Variants in KAZN observed in about 807,000 individuals in gnomAD.
The protein encoded by KAZN is kazrin, periplakin interacting protein.
In KAZN, 40 loss-of-function variants were observed where a neutral mutation model predicts 87.4. The ratio of observed to expected loss-of-function variants is 0.46; its 90% CI spans 0.36 to 0.60. KAZN has a LOEUF of 0.60. Among genes scored for constraint, KAZN ranks in the 20% least tolerant of loss-of-function variants. The pLI is 0.00. For missense variants in KAZN, 898 were observed against 1,073.9 expected, an observed-to-expected ratio of 0.84 and a Z score of 2.29; for synonymous variants, 466 against 458.3, an observed-to-expected ratio of 1.02 and a Z score of -0.22.
At chr1:14,668,983 C>T (rs965580619) in intron 1 of KAZN, among the ~76,000 whole-genome samples, 1 of 152,194 alleles carries the variant, frequency 6.6e-6, no homozygotes, top group Non-Finnish European at 1.5e-5. Context: ...AGACAGAGAA[C>T]ATTTATCATG....
Position 14,185,933 on chromosome 1 carries a change from G to A in KAZN, c.249+5341G>A, listed in dbSNP as rs143961959. Among the ~76,000 whole-genome samples the A allele has an allele frequency of 3.2e-4, 49 of 152,228 alleles. 1 individual carries two copies. In the South Asian group the frequency reaches 8.7e-3, roughly 27 times the overall value. Reference sequence around the variant, plus strand: ...GCAAAGTTGTTTCAGTGTTTGGTGCGCCAAGACACAGGTCGAGTTGGAAAT... The same window carrying A: ...GCAAAGTTGTTTCAGTGTTTGGTGCACCAAGACACAGGTCGAGTTGGAAAT... On this transcript the variant is annotated intron_variant, in intron 2 of 16. Transcript: ENST00000636203.
chr1:14,917,439 A>G (rs1281789108), intron 1 of KAZN, among the ~76,000 whole-genome samples: 1 of 152,176 alleles, frequency 6.6e-6, no homozygotes, highest in Non-Finnish European at 1.5e-5. Context: ...CAGTCTCCAT[A>G]GAGATAGCAG....
chr1:14,921,872 C>T (rs6696359), intron 1 of KAZN, among the ~76,000 whole-genome samples: 9 of 152,102 alleles, frequency 5.9e-5, no homozygotes, highest in Non-Finnish European at 1.0e-4. Context: ...CCACCACTCC[C>T]GGCTAATTTT....
intron 2 of KAZN, among the ~76,000 whole-genome samples, chr1:14,331,568 A>G (rs978930728): frequency 3.3e-5 from 5 of 152,184 alleles, no homozygotes; most frequent in African/African-American, 9.6e-5. Flanking sequence ...TCAGGTGTCA[A>G]AATTGGGTTA....
chr1:14,415,874 G>C (rs1051826411), intron 2 of KAZN, among the ~76,000 whole-genome samples: 1 of 152,110 alleles, frequency 6.6e-6, no homozygotes, highest in African/African-American at 2.4e-5. Context: ...CTTGAAAGCA[G>C]AAGGCGTGCT....
chr1:14,184,516 A>G lies in KAZN; in HGVS notation c.249+3924A>G, dbSNP rs1034152332. 4.6e-5 allele frequency among the ~76,000 whole-genome samples: 7 copies of G among 152,292 alleles called. No homozygotes were observed. The highest frequency in any genetic ancestry group is 8.8e-5 in the Non-Finnish European group (6 of 68,028). ...TTCCCCCTTGCCAAGCAAGAGCGGA[A>G]GCAGCAGCAGGAGGGAAACCTGGCA... On this transcript the variant is annotated intron_variant, in intron 2 of 16. Coordinates refer to the KAZN transcript ENST00000636203. This position sits in a 1 kb window ranked among gnomAD's most constrained non-coding sequence, Gnocchi z 4.2.
intron 2 of KAZN, chr1:14,349,268 C>T (rs1195225314): frequency 1.3e-5 from 2 of 152,158 alleles, no homozygotes; most frequent in Non-Finnish European, 2.9e-5. Context: ...GATGAGGACT[C>T]AGATGAATGC....
rs1225810763 is a variant in KAZN at position 15,056,126 on chromosome 1, C to T, written c.762C>T (p.Val254=). The T allele has an allele frequency of 6.2e-7, 1 of 1,613,854 alleles. No individual in the cohort carries two copies. The highest frequency in any genetic ancestry group is 8.5e-7 in the Non-Finnish European group (1 of 1,179,750). ...KQSLATLTKD[V]PKRHSLAMPG... ...CCTTAGCTACGCTGACCAAGGACGT[C>T]CCCAAGCGGCATTCCCTCGCCATGC... The change falls in exon 5 of 15, where the codon GTC becomes GTT. Residue 254 remains valine (V), a synonymous_variant. Transcript: ENST00000376030. The surrounding 1 kb of genome is among the most constrained non-coding windows in gnomAD (Gnocchi z 5.4).
chr1:15,043,912 G>A, intron 3 of KAZN, 77 bp from the exon 4 acceptor site: 1 of 1,416,882 alleles, frequency 7.1e-7, no homozygotes, highest in Non-Finnish European at 9.5e-7. Context: ...TAGGAGTTAG[G>A]CCCCCTCTAG....
chr1:14,365,695 A>C (rs1571407650), intron 2 of KAZN, among the ~76,000 whole-genome samples: 1 of 152,290 alleles, frequency 6.6e-6, no homozygotes, highest in Admixed American at 6.5e-5. Context: ...TTCCCCAGTC[A>C]TAACAATCAC....
At chr1:15,084,804 G>T (rs986744507) in intron 8 of KAZN, among the ~76,000 whole-genome samples, 1 of 152,164 alleles carries the variant, frequency 6.6e-6, no homozygotes, top group African/African-American at 2.4e-5. Flanking sequence ...AAAGATTCCC[G>T]CAAATTAAGA....
At chr1:14,556,311 G>C (rs1673870421) in intron 2 of KAZN, among the ~76,000 whole-genome samples, 2 of 152,064 alleles carry the variant, frequency 1.3e-5, no homozygotes, top group East Asian at 1.9e-4. Context: ...GGATTTCCCT[G>C]TGTTATCCAG....
chr1:13,986,537 T>G (rs1639026295), intron 1 of KAZN, among the ~76,000 whole-genome samples: 1 of 152,214 alleles, frequency 6.6e-6, no homozygotes, highest in African/African-American at 2.4e-5. Flanking sequence ...TGGAAATGGA[T>G]AAAATACATT....
At chr1:14,243,165 T>A (rs867006697) in intron 2 of KAZN, among the ~76,000 whole-genome samples, 51 of 152,118 alleles carry the variant, frequency 3.4e-4, no homozygotes, top group African/African-American at 1.2e-3. Flanking sequence ...CTGTTTTCAG[T>A]TTTGTTCGCC....
intron 2 of KAZN, among the ~76,000 whole-genome samples, chr1:14,252,662 A>G (rs768164815): frequency 1.3e-5 from 2 of 152,212 alleles, no homozygotes; most frequent in Non-Finnish European, 2.9e-5. Flanking sequence ...GGAGGATTCA[A>G]ATGCTTAAAC....
chr1:14,694,207 C>G (rs995738224), intron 1 of KAZN, among the ~76,000 whole-genome samples: 4 of 152,240 alleles, frequency 2.6e-5, no homozygotes, highest in African/African-American at 9.7e-5. Context: ...CAGCTGACCC[C>G]TCCACCTCAT....
intron 2 of KAZN, among the ~76,000 whole-genome samples, chr1:14,479,213 C>G (rs1668937773): frequency 6.6e-6 from 1 of 152,212 alleles, no homozygotes; most frequent in Admixed American, 6.5e-5. Context: ...AAGGGACACA[C>G]AGTCCAGAGG....
intron 1 of KAZN, among the ~76,000 whole-genome samples, chr1:13,921,580 C>T (rs1463066470): frequency 2.6e-5 from 4 of 152,102 alleles, no homozygotes; most frequent in African/African-American, 9.7e-5. Flanking sequence ...TATCCTCATC[C>T]CTTGTAGTCT....
intron 1 of KAZN, among the ~76,000 whole-genome samples, chr1:14,862,863 A>T (rs1218804945): frequency 3.9e-5 from 6 of 152,190 alleles, no homozygotes; most frequent in Non-Finnish European, 8.8e-5. Flanking sequence ...GCTATCGATG[A>T]CTAGTGTCAT....
Sources: allele counts gnomAD v4.1 joint callset (sites outside exome capture counted in the v4.1 genomes callset), GRCh38; gene constraint gnomAD v4.1.1; non-coding constraint Gnocchi (gnomAD v3.1); transcripts MANE v1.5; gene names NCBI Gene and HGNC (gene_info 2026-07-23, HGNC 2026-07-21).